GRIP2: variants seen among roughly 807,000 people sequenced by gnomAD.
GRIP2 encodes glutamate receptor-interacting protein 2.
GRIP2 carries 58 observed loss-of-function variants against 108.3 expected under a neutral mutation model. That is an observed-to-expected ratio of 0.54 (90% CI 0.43 to 0.67). GRIP2 has a LOEUF of 0.67. Ranked by LOEUF, GRIP2 falls within the 30% of genes least tolerant of loss-of-function variation. GRIP2 has a pLI of 0.00. For missense variants in GRIP2, 1,278 were observed against 1,430.6 expected (o/e 0.89, Z 1.72); for synonymous variants, 586 against 598.2 (o/e 0.98, Z 0.30).
the GRIP2 span, among the ~76,000 whole-genome samples, chr3:14,580,698 T>C: frequency 6.6e-6 from 1 of 152,310 alleles, no homozygotes; most frequent in East Asian, 1.9e-4. Context: ...TGAGACCCTG[T>C]CTCAAAAACA....
chr3:14,593,093 C>T, the GRIP2 span, among the ~76,000 whole-genome samples: 5 of 152,228 alleles, frequency 3.3e-5, no homozygotes, highest in African/African-American at 1.2e-4. Context: ...GAACTAATGT[C>T]ATCCCCAACC....
Position 14,511,274 on chromosome 3 carries a change from G to A in GRIP2, c.1824C>T (p.Ala608=). 1 of 1,614,032 alleles carries A rather than the reference G, an allele frequency of 6.2e-7. No individual in the cohort carries two copies. Among genetic ancestry groups the A allele is most frequent in the Non-Finnish European group, 8.5e-7 (1 of 1,179,900 alleles). ...AGTTGTCCAGGCGGATATTGTCAAT[G>A]GCCAGTAGCTTGTCGCCTGGCTCCA... ...GTLEPGDKLL[A]IDNIRLDNCP... is the part of the protein sequence containing the mutation. Residue 608 remains alanine, a synonymous_variant, in exon 16 of 24, where the codon GCC becomes GCT. Coordinates refer to ENST00000621039, the MANE Select transcript of GRIP2 (RefSeq NM_001080423.4). This position sits in a 1 kb window ranked among gnomAD's most constrained non-coding sequence, Gnocchi z 4.1.
chr3:14,573,973 C>G, the GRIP2 span: 69 of 1,088,220 alleles, frequency 6.3e-5, no homozygotes, highest in African/African-American at 1.0e-3. Context: ...ACCTGCGGAT[C>G]CTGGCATATG....
At chr3:14,503,857 A>G in intron 20 of GRIP2, 186 bp from the exon 21 acceptor site, 1 of 595,396 alleles carries the variant, frequency 1.7e-6, no homozygotes, top group Non-Finnish European at 3.0e-6. Context: ...GGTGACACGG[A>G]ATAGGGGAAA....
the GRIP2 span, among the ~76,000 whole-genome samples, chr3:14,588,617 G>T: frequency 4.6e-5 from 7 of 152,140 alleles, no homozygotes; most frequent in Admixed American, 4.6e-4. Context: ...AGAGCCAGCT[G>T]CCCACAAACC....
At chr3:14,571,433 C>T in the GRIP2 span, among the ~76,000 whole-genome samples, 699 of 152,216 alleles carry the variant, frequency 4.6e-3, 10 homozygotes, top group African/African-American at 0.016. Context: ...CTGTCTGCAC[C>T]GGATGAAGCT....
At chr3:14,597,018 T>C in the GRIP2 span, among the ~76,000 whole-genome samples, 1 of 152,142 alleles carries the variant, frequency 6.6e-6, no homozygotes, top group African/African-American at 2.4e-5. Context: ...GCTAGGATTA[T>C]AGGAGCAGCC....
At chr3:14,524,085 T>G in intron 4 of GRIP2, 2 of 510,864 alleles carry the variant, frequency 3.9e-6, no homozygotes, top group Non-Finnish European at 7.0e-6. Flanking sequence ...GGCAGTGGAG[T>G]GTGGGCGTGG....
Position 14,525,838 on chromosome 3 carries a change from G to A in GRIP2, c.121+13C>T. On this transcript the variant is annotated intron_variant, in intron 2 of 23. Coordinates refer to ENST00000621039, the MANE Select transcript of GRIP2 (RefSeq NM_001080423.4). ...CAGGGCAGAAAAAGAGGGAATGAGG[G>A]AAGCCTCATTACCTGGAATGCTCTG... The A allele has an allele frequency of 6.4e-7, 1 of 1,553,522 alleles. No individual in the cohort carries two copies. Among genetic ancestry groups the A allele is most frequent in the Non-Finnish European group, 8.7e-7 (1 of 1,147,900 alleles).
chr3:14,495,210 C>CG (rs1693556039), intron 22 of GRIP2, among the ~76,000 whole-genome samples: 1 of 150,884 alleles, frequency 6.6e-6, no homozygotes, highest in Non-Finnish European at 1.5e-5. Context: ...CACTCAAGTA[C>CG]GACGGAGCCC....
chr3:14,592,489 C>T, the GRIP2 span, among the ~76,000 whole-genome samples: 1 of 152,226 alleles, frequency 6.6e-6, no homozygotes, highest in African/African-American at 2.4e-5. Flanking sequence ...CGACCCCACA[C>T]ACTCCACTGA....
rs1479639252 is a variant in GRIP2, at chr3:14,494,848, G to A, written c.2965C>T (p.Leu989=). 2 of 1,612,816 alleles carry A rather than the reference G, an allele frequency of 1.2e-6. No homozygotes were observed. The highest frequency in any genetic ancestry group is 1.1e-5 in the South Asian group (1 of 91,000). Residue 989 remains leucine, a synonymous_variant, in exon 23 of 24, where the codon CTG becomes TTG. Coordinates refer to ENST00000621039, the MANE Select transcript of GRIP2 (RefSeq NM_001080423.4). The part of the protein sequence containing the change: ...RGGLQPFDRV[L]QVNHVRTRDF... ...AGCCCCTGCCCCAGCATTACCTGCAGGACCCTGTCGAAGGGCTGGAGGCCT... is the reference window on the plus strand; with the variant it reads ...AGCCCCTGCCCCAGCATTACCTGCAAGACCCTGTCGAAGGGCTGGAGGCCT...
Position 14,520,054 on chromosome 3 carries a change from T to C in GRIP2, c.1030+56A>G. The stretch of plus-strand genomic sequence containing the variant: ...CTGCCCAGGGCTCTGGTCCCAGGCC[T>C]CTCAGGCCTCATGACTGCCCAGGTT... On this transcript the variant is annotated intron_variant, in intron 9 of 23. Coordinates refer to ENST00000621039, the MANE Select transcript of GRIP2 (RefSeq NM_001080423.4). 2.0e-6 allele frequency: 3 copies of C among 1,503,882 alleles called. No homozygotes were observed. The East Asian group carries it at 7.3e-5, about 37-fold the overall frequency. The allele number at this position is 1,503,882 out of a possible 1,614,324, so 93.2% of individuals were successfully genotyped here. A position where few individuals can be genotyped will look rare whatever the true frequency, so the allele number is the denominator to read the frequency against.
At chr3:14,582,781 C>A in the GRIP2 span, among the ~76,000 whole-genome samples, 1 of 152,188 alleles carries the variant, frequency 6.6e-6, no homozygotes, top group East Asian at 1.9e-4. Context: ...CTGCTTCATT[C>A]ATTTTCACTC....
chr3:14,602,943 G>C, the GRIP2 span, among the ~76,000 whole-genome samples: 2 of 148,472 alleles, frequency 1.3e-5, no homozygotes, highest in Non-Finnish European at 3.0e-5. This position sits in a 1 kb window ranked among gnomAD's most constrained non-coding sequence, Gnocchi z 4.7. Flanking sequence ...TCCGGCAGCC[G>C]CTGCAGGCAG....
At chr3:14,523,132 G>A (rs1694459002) in intron 5 of GRIP2, 57 bp from the exon 6 acceptor site, 1 of 1,333,974 alleles carries the variant, frequency 7.5e-7, no homozygotes, top group Admixed American at 2.0e-5. Context: ...CCATCCAGAG[G>A]CTCCCACACA....
At chr3:14,564,643 C>T in the GRIP2 span, among the ~76,000 whole-genome samples, 1 of 152,130 alleles carries the variant, frequency 6.6e-6, no homozygotes, top group Non-Finnish European at 1.5e-5. Context: ...AAATTATGTA[C>T]CAGGCATTTC....
At chr3:14,595,293 G>A in the GRIP2 span, among the ~76,000 whole-genome samples, 32 of 152,106 alleles carry the variant, frequency 2.1e-4, no homozygotes, top group Admixed American at 2.0e-3. Context: ...CTCCCAAAGC[G>A]CTGGGATTAC....
At chr3:14,585,300 C>T in the GRIP2 span, among the ~76,000 whole-genome samples, 50 of 152,334 alleles carry the variant, frequency 3.3e-4, 2 homozygotes, top group South Asian at 4.4e-3. Flanking sequence ...GTATTACAGG[C>T]GTGAGCCACC....
Sources: gnomAD v4.1 joint callset for allele counts (sites outside exome capture counted in the v4.1 genomes callset) on GRCh38, gnomAD v4.1.1 for gene constraint, Gnocchi (gnomAD v3.1) non-coding constraint, MANE v1.5 for transcripts, NCBI Gene and HGNC (gene_info 2026-07-23, HGNC 2026-07-21) for gene names.